Variants in PROS1 observed in about 807,000 individuals in gnomAD.
PROS1 encodes the protein protein S.
PROS1 carries 29 observed loss-of-function variants against 75.9 expected under a neutral mutation model. The observed-to-expected ratio is 0.38, with a 90% confidence interval of 0.28 to 0.52. The LOEUF (loss-of-function observed/expected upper bound fraction) is 0.52, where lower values mean the gene tolerates loss of function less well. PROS1 is among the 20% of genes least tolerant of loss of function. The pLI is 0.83. For synonymous variants in PROS1, 245 were observed against 280.6 expected, an observed-to-expected ratio of 0.87 and a Z score of 1.27; for missense variants, 680 against 810.3, an observed-to-expected ratio of 0.84 and a Z score of 1.95.
At chr3:93,961,544 A>G (rs1709705818) in intron 1 of PROS1, among the ~76,000 whole-genome samples, 2 of 152,202 alleles carry the variant, frequency 1.3e-5, no homozygotes, top group Non-Finnish European at 2.9e-5. Flanking sequence ...ACCATGACCA[A>G]CCCATTGATT....
intron 2 of PROS1, among the ~76,000 whole-genome samples, chr3:93,926,386 C>T (rs1369959649): frequency 6.6e-6 from 1 of 152,148 alleles, no homozygotes; most frequent in Non-Finnish European, 1.5e-5. Flanking sequence ...AATCTCAGCA[C>T]TTTAGGAGGC....
At chr3:93,938,026 T>C (rs1709214411) in intron 1 of PROS1, among the ~76,000 whole-genome samples, 1 of 152,134 alleles carries the variant, frequency 6.6e-6, no homozygotes. Flanking sequence ...ACACCAATAG[T>C]TTCCCCATCC....
intron 10 of PROS1, among the ~76,000 whole-genome samples, chr3:93,889,204 T>C (rs1434829418): frequency 6.6e-6 from 1 of 152,250 alleles, no homozygotes. Context: ...TGTCTTTGTC[T>C]GGCTTTTCTT....
chr3:93,910,751 C>T (rs187888861), intron 3 of PROS1, 46 bp from the exon 4 acceptor site: 41 of 1,471,086 alleles, frequency 2.8e-5, no homozygotes, highest in Non-Finnish European at 3.4e-5. Context: ...GACACACATA[C>T]TTGATCTGAA....
chr3:93,952,631 G>T (rs1709522155), intron 1 of PROS1, among the ~76,000 whole-genome samples: 1 of 152,202 alleles, frequency 6.6e-6, no homozygotes, highest in South Asian at 2.1e-4. Flanking sequence ...AAGCAGGAAA[G>T]ATCTAAAATT....
At chr3:93,891,031 G>A (rs1708424196) in intron 10 of PROS1, among the ~76,000 whole-genome samples, 3 of 152,142 alleles carry the variant, frequency 2.0e-5, no homozygotes, top group Admixed American at 2.0e-4. Flanking sequence ...CCTGAACCCA[G>A]GAGGTAGAAG....
chr3:93,900,977 G>T, intron 6 of PROS1, 48 bp from the exon 7 acceptor site: 1 of 1,586,620 alleles, frequency 6.3e-7, no homozygotes, highest in South Asian at 1.1e-5. Flanking sequence ...CATACCAGCA[G>T]ACACTACCAA....
intron 4 of PROS1, among the ~76,000 whole-genome samples, chr3:93,909,429 T>G (rs1423344051): frequency 2.2e-4 from 32 of 143,440 alleles, no homozygotes; most frequent in African/African-American, 8.4e-4. Flanking sequence ...AGCAAGAGCT[T>G]GTCTAAAAAA....
intron 6 of PROS1, among the ~76,000 whole-genome samples, chr3:93,903,287 T>C (rs771485004): frequency 6.6e-6 from 1 of 152,226 alleles, no homozygotes; most frequent in Non-Finnish European, 1.5e-5. Context: ...TTCCTATTAA[T>C]AAGAGCACTT....
chr3:93,886,298 A>T (rs1426585686), intron 11 of PROS1, 38 bp downstream of exon 11: 2 of 1,576,852 alleles, frequency 1.3e-6, no homozygotes, highest in African/African-American at 2.7e-5. Flanking sequence ...GACAAAAGGA[A>T]CTCATCCATG....
At chr3:93,969,553 A>G (rs561372714) in intron 1 of PROS1, among the ~76,000 whole-genome samples, 2 of 152,274 alleles carry the variant, frequency 1.3e-5, no homozygotes, top group African/African-American at 4.8e-5. Flanking sequence ...CCTCCTAGGA[A>G]TTTGAGCTGT....
chr3:93,930,172 T>C (rs1023843476), intron 1 of PROS1, among the ~76,000 whole-genome samples: 4 of 152,214 alleles, frequency 2.6e-5, no homozygotes, highest in Non-Finnish European at 5.9e-5. Flanking sequence ...ATGTTTATCA[T>C]GCTCATTAAA....
At chr3:93,881,953 A>C (rs1470311099) in intron 12 of PROS1, among the ~76,000 whole-genome samples, 1 of 152,224 alleles carries the variant, frequency 6.6e-6, no homozygotes, top group Non-Finnish European at 1.5e-5. Flanking sequence ...TTTATAATGC[A>C]AAGTGTTAGT....
chr3:93,947,789 A>C lies in PROS1; in HGVS notation c.77-20382T>G, dbSNP rs368783541. The stretch of plus-strand genomic sequence containing the variant: ...TCACCGTGTTAGCCAGGATTGTCTC[A>C]ATCTCCTGATCTCGTGATCTGCCCG... On this transcript the variant is annotated intron_variant, in intron 1 of 14. Transcript: ENST00000394236. Among the ~76,000 whole-genome samples the C allele has an allele frequency of 4.9e-4, 74 of 152,074 alleles. 1 individual carries two copies. The South Asian group carries it at 0.015, about 31-fold the overall frequency.
At chr3:93,948,132 G>T (rs537042665) in intron 1 of PROS1, among the ~76,000 whole-genome samples, 3 of 152,182 alleles carry the variant, frequency 2.0e-5, no homozygotes, top group African/African-American at 7.2e-5. Flanking sequence ...ATCAAAGATC[G>T]CCAGATATTT....
intron 12 of PROS1, among the ~76,000 whole-genome samples, chr3:93,883,054 T>C (rs1157518341): frequency 6.6e-6 from 1 of 151,738 alleles, no homozygotes; most frequent in African/African-American, 2.4e-5. Flanking sequence ...CTGATGAGAG[T>C]CAGGGAAGAG....
chr3:93,952,678 CA>C (rs1274683767), intron 1 of PROS1, among the ~76,000 whole-genome samples: 7 of 152,152 alleles, frequency 4.6e-5, no homozygotes, highest in Non-Finnish European at 5.9e-5. Flanking sequence ...ACTAGAAAAG[CA>C]AGAGCAAACA....
At position 93,893,001 on chromosome 3, in the gene PROS1, G is replaced by A; in HGVS notation, c.1087C>T (p.Leu363Phe). 6.2e-7 allele frequency: 1 copy of A among 1,613,484 alleles called. No individual in the cohort carries two copies. Among genetic ancestry groups the A allele is most frequent in the African/African-American group, 1.3e-5 (1 of 75,010 alleles). ...ATTTTGGATGTATGTTCATTCTTAA[G>A]CTGAACTTCAATCTTTCCACCACGA... ...ALRGGKIEVQLKNEHTSKITT... is the reference protein window; with the variant it reads ...ALRGGKIEVQFKNEHTSKITT... The change falls in exon 10 of 15, where the codon CTT becomes TTT. Residue 363 changes from leucine to phenylalanine, a missense_variant. By Grantham distance (22) the Leu-to-Phe change is conservative. Coordinates refer to ENST00000394236, the MANE Select transcript of PROS1 (RefSeq NM_000313.4).
intron 6 of PROS1, among the ~76,000 whole-genome samples, chr3:93,904,756 A>C (rs552104456): frequency 2.0e-4 from 31 of 152,312 alleles, no homozygotes; most frequent in African/African-American, 7.0e-4. Flanking sequence ...TGGTATGAAT[A>C]CTTGAAGATT....
Sources: gnomAD v4.1 joint callset for allele counts (sites outside exome capture counted in the v4.1 genomes callset) on GRCh38, gnomAD v4.1.1 for gene constraint, MANE v1.5 for transcripts, NCBI Gene and HGNC (gene_info 2026-07-23, HGNC 2026-07-21) for gene names.